NUP153: variants seen among roughly 807,000 people sequenced by gnomAD.
The protein encoded by NUP153 is nucleoporin 153.
Under a neutral mutation model 134.6 loss-of-function variants are expected in NUP153, and 27 were observed. The observed-to-expected ratio is 0.20, with a 90% CI of 0.15 to 0.28. The LOEUF (loss-of-function observed/expected upper bound fraction) is 0.28. Among genes scored for constraint, NUP153 ranks in the 10% least tolerant of loss-of-function variants. The probability of loss-of-function intolerance (pLI) is 1.00; values close to 1 mark genes in which losing one functional copy is unlikely to be tolerated. For missense variants in NUP153, 1,821 were observed against 1,731.3 expected, an observed-to-expected ratio of 1.05 and a Z score of -0.92; for synonymous variants, 640 against 623.5, an observed-to-expected ratio of 1.03 and a Z score of -0.40.
Position 17,629,223 on chromosome 6 carries a change from T to C in NUP153, c.2976A>G (p.Pro992=), listed in dbSNP as rs752271117. 2.5e-6 allele frequency: 4 copies of C among 1,613,548 alleles called. No individual in the cohort carries two copies. In the South Asian group the frequency reaches 3.3e-5, roughly 13 times the overall value. ...CAAATTGAAATGGAGTTAAAGAAACTGGGTTGCTTAAACCAGAAGAAAGTC... is the reference window on the plus strand; with the variant it reads ...CAAATTGAAATGGAGTTAAAGAAACCGGGTTGCTTAAACCAGAAGAAAGTC... ...KFGLSSGLSN[P]VSLTPFQFGV... The change falls in exon 18 of 22, where the codon CCA becomes CCG. Residue 992 remains proline (P), a synonymous_variant. Coordinates refer to ENST00000262077, the MANE Select transcript of NUP153 (RefSeq NM_005124.4).
intron 1 of NUP153, among the ~76,000 whole-genome samples, chr6:17,689,144 G>T (rs955135488): frequency 9.2e-5 from 14 of 151,904 alleles, no homozygotes; most frequent in Non-Finnish European, 1.9e-4. Flanking sequence ...CTAGCACTTT[G>T]GGGGACTGAG....
intron 8 of NUP153, among the ~76,000 whole-genome samples, chr6:17,665,716 A>G (rs921223205): frequency 6.6e-6 from 1 of 150,420 alleles, no homozygotes; most frequent in Non-Finnish European, 1.5e-5. Context: ...AACCTTTTAC[A>G]GTTTTTTGTT....
chr6:17,685,680 A>G (rs900154324), intron 2 of NUP153, among the ~76,000 whole-genome samples: 13 of 152,178 alleles, frequency 8.5e-5, no homozygotes, highest in African/African-American at 3.1e-4. Flanking sequence ...AGGAGTCTGC[A>G]GTCATGCTAA....
rs1358215659 is a variant in NUP153, at chr6:17,646,302, G to A, written c.1633-148C>T. 6.7e-6 allele frequency: 3 copies of A among 449,104 alleles called. 1 individual carries two copies. Among genetic ancestry groups the A allele is most frequent in the Middle Eastern group, 6.3e-4 (1 of 1,592 alleles). The allele number at this position is 449,104 out of a possible 1,614,324, so 27.8% of individuals were successfully genotyped here. On this transcript the variant is annotated intron_variant, in intron 13 of 21. Coordinates refer to ENST00000262077, the MANE Select transcript of NUP153 (RefSeq NM_005124.4). ...GGCTCACTGCAACCTCCGCCTCCCG[G>A]GTTCACGCCATTCTCCTGCCTCGGC... is the stretch of plus-strand genomic sequence containing the variant.
At chr6:17,682,516 C>T (rs1403790185) in intron 2 of NUP153, among the ~76,000 whole-genome samples, 1 of 152,162 alleles carries the variant, frequency 6.6e-6, no homozygotes, top group Non-Finnish European at 1.5e-5. Flanking sequence ...GGAGTCAATC[C>T]TCTCAAATTT....
intron 11 of NUP153, among the ~76,000 whole-genome samples, chr6:17,653,432 G>T (rs957858850): frequency 6.6e-6 from 1 of 152,104 alleles, no homozygotes; most frequent in Admixed American, 6.6e-5. Context: ...TATTGGTAAG[G>T]ATACAAACTA....
At chr6:17,695,472 A>G (rs1175707534) in intron 1 of NUP153, among the ~76,000 whole-genome samples, 1 of 152,212 alleles carries the variant, frequency 6.6e-6, no homozygotes, top group East Asian at 1.9e-4. Context: ...TTTACCTAAA[A>G]GACCACCATT....
At chr6:17,661,607 A>G (rs764328569) in intron 11 of NUP153, 46 bp downstream of exon 11, 16 of 1,578,176 alleles carry the variant, frequency 1.0e-5, no homozygotes, top group Middle Eastern at 1.7e-4. Flanking sequence ...CACCACACCA[A>G]TGCTTTTTAA....
chr6:17,617,015 G>A (rs948094128), intron 20 of NUP153, among the ~76,000 whole-genome samples: 8 of 152,184 alleles, frequency 5.3e-5, no homozygotes, highest in Non-Finnish European at 1.0e-4. Context: ...CTCCCAAAGT[G>A]CTGGATTACA....
intron 20 of NUP153, among the ~76,000 whole-genome samples, chr6:17,620,472 C>A (rs1764594746): frequency 6.6e-6 from 1 of 152,108 alleles, no homozygotes; most frequent in South Asian, 2.1e-4. Flanking sequence ...CTACTTCTCA[C>A]CCTATACAAA....
intron 1 of NUP153, among the ~76,000 whole-genome samples, chr6:17,697,586 C>CT (rs1221359896): frequency 1.3e-5 from 2 of 152,096 alleles, no homozygotes. Context: ...ACTTGAGAGG[C>CT]TGAGGGAGGG....
At chr6:17,684,973 TGATA>T (rs1461574665) in intron 2 of NUP153, among the ~76,000 whole-genome samples, 1 of 152,144 alleles carries the variant, frequency 6.6e-6, no homozygotes, top group African/African-American at 2.4e-5. Flanking sequence ...CTGATCACCA[TGATA>T]GATACATAAT....
At chr6:17,643,701 T>C (rs1295072592) in intron 14 of NUP153, among the ~76,000 whole-genome samples, 2 of 152,202 alleles carry the variant, frequency 1.3e-5, no homozygotes, top group African/African-American at 4.8e-5. Context: ...TTCAATTAGC[T>C]TTTTTAAATG....
chr6:17,619,240 T>A (rs1398471704), intron 20 of NUP153, among the ~76,000 whole-genome samples: 1 of 152,192 alleles, frequency 6.6e-6, no homozygotes, highest in Non-Finnish European at 1.5e-5. Flanking sequence ...TACATCTATA[T>A]TCAATCAAAA....
At chr6:17,647,553 A>G (rs927771799) in intron 13 of NUP153, among the ~76,000 whole-genome samples, 2 of 152,238 alleles carry the variant, frequency 1.3e-5, no homozygotes, top group Admixed American at 1.3e-4. Context: ...TAAGGGACAC[A>G]TGGAGAAGAA....
intron 11 of NUP153, among the ~76,000 whole-genome samples, 176 bp downstream of exon 11, chr6:17,661,477 A>G (rs1206579317): frequency 1.3e-5 from 2 of 152,172 alleles, no homozygotes; most frequent in African/African-American, 4.8e-5. Flanking sequence ...TATGATACCC[A>G]TGAAATTTAA....
At chr6:17,668,227 C>T (rs1333064162) in intron 8 of NUP153, among the ~76,000 whole-genome samples, 4 of 151,498 alleles carry the variant, frequency 2.6e-5, no homozygotes, top group African/African-American at 7.3e-5. Context: ...AGGTGCGCAC[C>T]GCCACACCTG....
chr6:17,665,400 G>T lies in NUP153; in HGVS notation c.1069-15C>A. On this transcript the variant is annotated splice_polypyrimidine_tract_variant and intron_variant, in intron 8 of 21. Transcript: ENST00000262077. ...TGAGAATCCACCTTACAGGTAAAGA[G>T]AAATCAAAAACATTTATTTTCATAT... 6.3e-7 allele frequency: 1 copy of T among 1,584,500 alleles called. No homozygotes were observed. Among genetic ancestry groups the T allele is most frequent in the Non-Finnish European group, 8.6e-7 (1 of 1,168,388 alleles).
At chr6:17,655,907 A>G (rs1280735060) in intron 11 of NUP153, among the ~76,000 whole-genome samples, 1 of 152,240 alleles carries the variant, frequency 6.6e-6, no homozygotes, top group Non-Finnish European at 1.5e-5. Flanking sequence ...CTATACAGAT[A>G]TAAAACACAA....
Sources: allele counts gnomAD v4.1 joint callset (sites outside exome capture counted in the v4.1 genomes callset), GRCh38; gene constraint gnomAD v4.1.1; transcripts MANE v1.5; gene names NCBI Gene and HGNC (gene_info 2026-07-23, HGNC 2026-07-21).